Variants in DPY19L3 observed in about 807,000 individuals in gnomAD.
The protein encoded by DPY19L3 is protein C-mannosyl-transferase DPY19L3.
DPY19L3 carries 51 observed loss-of-function variants against 92.3 expected under a neutral mutation model. That is an observed-to-expected ratio of 0.55 (90% CI 0.44 to 0.70). The LOEUF (loss-of-function observed/expected upper bound fraction) is 0.70. DPY19L3 is among the 30% of genes least tolerant of loss of function. The pLI, the probability that DPY19L3 is intolerant of heterozygous loss-of-function variation, is 0.00. For synonymous variants in DPY19L3, 309 were observed against 315.2 expected, an observed-to-expected ratio of 0.98 and a Z score of 0.21; for missense variants, 706 against 855.9, an observed-to-expected ratio of 0.82 and a Z score of 2.18.
intron 8 of DPY19L3, among the ~76,000 whole-genome samples, chr19:32,445,256 A>G (rs892161714): frequency 6.6e-6 from 1 of 151,642 alleles, no homozygotes; most frequent in Admixed American, 6.6e-5. Context: ...CCTGGCTAAC[A>G]TGGTGAAACC....
Position 32,474,589 on chromosome 19 carries a change from A to T in DPY19L3, c.1698-2933A>T, listed in dbSNP as rs545713065. ...TTGTCTGTAATGGGAGCTGTTAAGT[A>T]AGCTTTTTTCTTTTTTTTTGAGTTG... On this transcript the variant is annotated intron_variant, in intron 16 of 18. Transcript: ENST00000392250. 1.6e-4 allele frequency among the ~76,000 whole-genome samples: 23 copies of T among 147,718 alleles called. No individual in the cohort carries two copies. The East Asian group carries it at 4.3e-3, about 27-fold the overall frequency.
chr19:32,424,956 A>C lies in DPY19L3; in HGVS notation c.238-7760A>C, dbSNP rs572524307. On this transcript the variant is annotated intron_variant, in intron 3 of 18. Transcript: ENST00000392250. ...ATGGTCAAGTGATTTTCAGCAGGGCACCAGGAAGGACAGTTACGTGGAGAA... is the reference window on the plus strand; with the variant it reads ...ATGGTCAAGTGATTTTCAGCAGGGCCCCAGGAAGGACAGTTACGTGGAGAA... 2.6e-5 allele frequency among the ~76,000 whole-genome samples: 4 copies of C among 152,312 alleles called. No individual in the cohort carries two copies. In the East Asian group the frequency reaches 7.7e-4, roughly 29 times the overall value.
At chr19:32,464,689 CA>C in intron 14 of DPY19L3, 38 bp from the exon 15 acceptor site, 1 of 1,319,470 alleles carries the variant, frequency 7.6e-7, no homozygotes, top group Non-Finnish European at 1.0e-6. Flanking sequence ...AGAAAAGGTT[CA>C]AAATACTTAT....
intron 14 of DPY19L3, among the ~76,000 whole-genome samples, 163 bp from the exon 15 acceptor site, chr19:32,464,565 A>C (rs1970143849): frequency 6.6e-6 from 1 of 152,202 alleles, no homozygotes. Context: ...AGCCGGGCAC[A>C]GTGGCTCACT....
At chr19:32,416,844 G>C (rs1049240781) in intron 3 of DPY19L3, among the ~76,000 whole-genome samples, 1 of 152,178 alleles carries the variant, frequency 6.6e-6, no homozygotes, top group East Asian at 1.9e-4. Flanking sequence ...TTGCCCACAA[G>C]GCTGGACTCA....
intron 8 of DPY19L3, among the ~76,000 whole-genome samples, chr19:32,451,702 CT>C (rs1969705346): frequency 6.6e-6 from 1 of 151,710 alleles, no homozygotes; most frequent in Non-Finnish European, 1.5e-5. Flanking sequence ...CCTTTTTTTT[CT>C]TTGTGGCGTG....
chr19:32,439,031 A>G (rs1969238412), intron 6 of DPY19L3, 81 bp from the exon 7 acceptor site: 12 of 1,482,236 alleles, frequency 8.1e-6, no homozygotes, highest in Admixed American at 2.0e-5. Flanking sequence ...CCTTAATGTA[A>G]TATATCTTTC....
chr19:32,446,816 G>T (rs1969514229), intron 8 of DPY19L3, among the ~76,000 whole-genome samples: 2 of 152,216 alleles, frequency 1.3e-5, no homozygotes, highest in South Asian at 4.1e-4. Flanking sequence ...ACACCAGACA[G>T]AAAATCATCA....
At chr19:32,464,450 G>C (rs1970140327) in intron 14 of DPY19L3, among the ~76,000 whole-genome samples, 1 of 152,158 alleles carries the variant, frequency 6.6e-6, no homozygotes, top group South Asian at 2.1e-4. Flanking sequence ...TATCGACTCA[G>C]TTATTCTGCA....
At chr19:32,427,285 G>A (rs1055104244) in intron 3 of DPY19L3, among the ~76,000 whole-genome samples, 1 of 152,106 alleles carries the variant, frequency 6.6e-6, no homozygotes, top group African/African-American at 2.4e-5. Context: ...GTGAGCCACC[G>A]CACCCCCGCA....
At chr19:32,416,220 G>C (rs1003969071) in intron 3 of DPY19L3, among the ~76,000 whole-genome samples, 1 of 152,224 alleles carries the variant, frequency 6.6e-6, no homozygotes, top group African/African-American at 2.4e-5. Context: ...AGGATGTCTT[G>C]ATTCATTGTG....
chr19:32,442,982 A>T (rs1306470006), intron 8 of DPY19L3, among the ~76,000 whole-genome samples: 1 of 152,108 alleles, frequency 6.6e-6, no homozygotes, highest in African/African-American at 2.4e-5. Flanking sequence ...TTCAACTCTC[A>T]CTCAGTGGTA....
intron 15 of DPY19L3, among the ~76,000 whole-genome samples, chr19:32,466,120 A>G (rs533581962): frequency 7.2e-5 from 11 of 152,292 alleles, no homozygotes; most frequent in African/African-American, 2.4e-4. Context: ...TCAGCTATCT[A>G]TTGAAATTTT....
At chr19:32,480,655 T>G (rs914114232) in intron 18 of DPY19L3, 98 bp downstream of exon 18, 2 of 1,392,200 alleles carry the variant, frequency 1.4e-6, no homozygotes, top group Non-Finnish European at 1.9e-6. Flanking sequence ...TAATGTCTAG[T>G]TGAATTACGC....
At position 32,408,240 on chromosome 19, in the gene DPY19L3, G is replaced by A. The variant is rs142774364; in HGVS notation, c.-14G>A. 2.7e-4 allele frequency: 427 copies of A among 1,597,300 alleles called. 2 individuals are homozygous for A. The African/African-American group carries it at 5.2e-3, about 19-fold the overall frequency. On this transcript the variant is annotated 5_prime_UTR_variant, in exon 2 of 19. The change abolishes an upstream ATG in the 5' untranslated region. Coordinates refer to ENST00000392250, the MANE Select transcript of DPY19L3 (RefSeq NM_001172774.2). ...AGGAGTGATTTGGAGAACAATGCAT[G>A]TAAGTCTGACATCATGATGTCCATC...
intron 3 of DPY19L3, among the ~76,000 whole-genome samples, chr19:32,422,629 AAC>A (rs66481682): frequency 0.066 from 9,743 of 146,778 alleles, 434 homozygotes; most frequent in East Asian, 0.25. Context: ...AATCAGGAAA[AAC>A]ACACACACAC....
chr19:32,419,427 C>T (rs1968490304), intron 3 of DPY19L3, among the ~76,000 whole-genome samples: 1 of 151,912 alleles, frequency 6.6e-6, no homozygotes, highest in African/African-American at 2.4e-5. Context: ...TCCCAAAGTG[C>T]AGGGATTACA....
At position 32,442,922 on chromosome 19, in the gene DPY19L3, T is replaced by C. The variant is rs1006170570; in HGVS notation, c.855+3012T>C. Among the ~76,000 whole-genome samples the C allele has an allele frequency of 1.4e-4, 22 of 152,252 alleles. 1 individual carries two copies. Among genetic ancestry groups the C allele is most frequent in the African/African-American group, 4.8e-4 (20 of 41,548 alleles). On this transcript the variant is annotated intron_variant, in intron 8 of 18. Transcript: ENST00000392250. ...GAGAAGTCTAGTGGGGAACCAGAACTTTCACCATCTCCCAGAGACATCTGT... is the reference window on the plus strand; with the variant it reads ...GAGAAGTCTAGTGGGGAACCAGAACCTTCACCATCTCCCAGAGACATCTGT...
chr19:32,474,488 G>C (rs973796585), intron 16 of DPY19L3, among the ~76,000 whole-genome samples: 12 of 152,216 alleles, frequency 7.9e-5, no homozygotes, highest in Admixed American at 3.9e-4. Flanking sequence ...TTCCAGCTTA[G>C]CTGAAGGCTT....
Sources: allele counts gnomAD v4.1 joint callset (sites outside exome capture counted in the v4.1 genomes callset), GRCh38; gene constraint gnomAD v4.1.1; transcripts MANE v1.5; gene names NCBI Gene and HGNC (gene_info 2026-07-23, HGNC 2026-07-21).